The following CADM3 variants were observed in gnomAD, a reference collection of about 807,000 sequenced individuals.
The protein encoded by CADM3 is cell adhesion molecule 3, also known as TSLC1-like 1.
CADM3 carries 11 observed loss-of-function variants against 44.9 expected under a neutral mutation model. That is an observed-to-expected ratio of 0.25 (90% CI 0.15 to 0.41). CADM3 has a LOEUF of 0.41. CADM3 is among the 10% of genes least tolerant of loss of function. The probability of loss-of-function intolerance (pLI) is 1.00; values close to 1 mark genes in which losing one functional copy is unlikely to be tolerated. For missense variants in CADM3, 426 were observed against 512.0 expected (o/e 0.83, Z 1.62); for synonymous variants, 207 against 205.2 (o/e 1.01, Z -0.08).
intron 1 of CADM3, among the ~76,000 whole-genome samples, chr1:159,189,599 A>C (rs576015132): frequency 1.3e-5 from 2 of 152,286 alleles, no homozygotes; most frequent in South Asian, 4.1e-4. Flanking sequence ...CCTTTTTCAG[A>C]ACTCTAGTTA....
At chr1:159,171,909 C>G in intron 1 of CADM3, 56 bp downstream of exon 1, 1 of 1,147,734 alleles carries the variant, frequency 8.7e-7, no homozygotes, top group Non-Finnish European at 1.1e-6. Flanking sequence ...GAGGCGGGGG[C>G]TGGGATCGGG....
intron 1 of CADM3, among the ~76,000 whole-genome samples, chr1:159,179,642 A>G (rs560114155): frequency 1.3e-5 from 2 of 152,218 alleles, no homozygotes; most frequent in African/African-American, 2.4e-5. Flanking sequence ...TTTTACTTTT[A>G]CCCTTCTATG....
rs570304651 is a variant in CADM3, at chr1:159,171,932, G to A, written c.88+79G>A. ...GGCTGGGATCGGGAGTCTCGCGGAA[G>A]GAGCCTGTTGGCTTTGTTTGGAACC... On this transcript the variant is annotated intron_variant, in intron 1 of 8. Transcript: ENST00000368125. 1.6e-4 allele frequency: 151 copies of A among 963,560 alleles called. 1 individual carries two copies. The African/African-American group carries it at 2.3e-3, about 15-fold the overall frequency. 59.7% of individuals were successfully genotyped at this position (963,560 alleles called of 1,614,324 possible).
chr1:159,180,374 T>C (rs1353678691), intron 1 of CADM3, among the ~76,000 whole-genome samples: 1 of 152,090 alleles, frequency 6.6e-6, no homozygotes, highest in Non-Finnish European at 1.5e-5. Flanking sequence ...GGAACAAAAA[T>C]GTGTGTTTGC....
At chr1:159,194,265 T>C (rs574131479) in intron 5 of CADM3, 3 of 474,878 alleles carry the variant, frequency 6.3e-6, no homozygotes, top group African/African-American at 3.9e-5. Flanking sequence ...TGTCAACTAC[T>C]TAATTCTCCG....
chr1:159,178,554 T>C (rs1438373470), intron 1 of CADM3: 3 of 152,212 alleles, frequency 2.0e-5, no homozygotes, highest in Non-Finnish European at 2.9e-5. Context: ...TTAGTACATG[T>C]ATAGGAGAAA....
Position 159,171,845 on chromosome 1 carries a change from C to T in CADM3, c.80C>T (p.Ser27Phe), listed in dbSNP as rs1648819279. 1.4e-5 allele frequency: 18 copies of T among 1,244,042 alleles called. No individual in the cohort carries two copies. Among genetic ancestry groups the T allele is most frequent in the Non-Finnish European group, 1.7e-5 (17 of 992,590 alleles). The allele number at this position is 1,244,042 out of a possible 1,614,324, so 77.1% of individuals were successfully genotyped here. The change falls in exon 1 of 9, where the codon TCC becomes TTC. Residue 27 changes from serine (S) to phenylalanine (F), a missense_variant. Ser to Phe is a radical substitution (Grantham distance 155, BLOSUM62 -2). Coordinates refer to ENST00000368125, the MANE Select transcript of CADM3 (RefSeq NM_001127173.3). ...CCWAPGGANL[S>F]QDDSQPWTSD... ...TGGGCGCCCGGCGGGGCCAACCTCT[C>T]CCAGGACGGTGAGTGAGGGAGGGGG...
intron 6 of CADM3, 188 bp downstream of exon 6, chr1:159,196,642 C>T (rs1162589581): frequency 3.1e-6 from 2 of 635,928 alleles, no homozygotes; most frequent in Non-Finnish European, 2.7e-6. Flanking sequence ...GGGCCACTCC[C>T]TAACTCAGTC....
At chr1:159,172,445 A>C (rs893345060) in intron 1 of CADM3, among the ~76,000 whole-genome samples, 2 of 152,064 alleles carry the variant, frequency 1.3e-5, no homozygotes, top group African/African-American at 4.8e-5. Flanking sequence ...GGGCGTGGGC[A>C]AAGAAGAGGG....
intron 1 of CADM3, among the ~76,000 whole-genome samples, chr1:159,172,296 A>C (rs1433433763): frequency 6.6e-6 from 1 of 151,668 alleles, no homozygotes; most frequent in Non-Finnish European, 1.5e-5. Flanking sequence ...TTGTGTATGT[A>C]TGTCTGTAGG....
chr1:159,200,739 TG>T, intron 8 of CADM3, 64 bp from the exon 9 acceptor site: 1 of 1,199,350 alleles, frequency 8.3e-7, no homozygotes, highest in Non-Finnish European at 1.2e-6. Flanking sequence ...GGTGAGAAAG[TG>T]GGCAGGGTGG....
chr1:159,188,546 G>A (rs552599884), intron 1 of CADM3, among the ~76,000 whole-genome samples: 11 of 152,160 alleles, frequency 7.2e-5, no homozygotes, highest in African/African-American at 2.7e-4. Context: ...TGGGACGACT[G>A]GCGAAGTTCA....
At position 159,200,832 on chromosome 1, in the gene CADM3, C is replaced by T. The variant is rs1333726120; in HGVS notation, c.1107C>T (p.Gly369=). 6.8e-6 allele frequency: 11 copies of T among 1,609,336 alleles called. No individual in the cohort carries two copies. Among genetic ancestry groups the T allele is most frequent in the East Asian group, 2.3e-5 (1 of 44,370 alleles). The change falls in exon 9 of 9, where the codon GGC becomes GGT. Residue 369 remains glycine (G), a synonymous_variant. Coordinates refer to ENST00000368125, the MANE Select transcript of CADM3 (RefSeq NM_001127173.3). ...KGTYLTHEAK[G]SDDAPDADTA... is the part of the protein sequence containing the mutation. The stretch of plus-strand genomic sequence containing the variant: ...CCTACCTGACACATGAGGCAAAAGG[C>T]TCCGACGATGCTCCAGACGCGGACA...
rs376885374 is a variant in CADM3, at chr1:159,200,927, G to T, written c.*5G>T. ...AAGAAGGAATATTTCATCTAGAGGC[G>T]CCTGCCCACTTCCTGCGCCCCCCAG... On this transcript the variant is annotated 3_prime_UTR_variant, in exon 9 of 9. Transcript: ENST00000368125. The T allele has an allele frequency of 1.3e-6, 2 of 1,585,962 alleles. No homozygotes were observed. Among genetic ancestry groups the T allele is most frequent in the Non-Finnish European group, 1.7e-6 (2 of 1,164,994 alleles).
chr1:159,186,213 G>C (rs965349973), intron 1 of CADM3, among the ~76,000 whole-genome samples: 1 of 152,194 alleles, frequency 6.6e-6, no homozygotes, highest in Non-Finnish European at 1.5e-5. Context: ...GGTGAGTGGA[G>C]TAGAGAAAAC....
chr1:159,193,220 T>C (rs1033612980), intron 3 of CADM3, among the ~76,000 whole-genome samples: 3 of 152,220 alleles, frequency 2.0e-5, no homozygotes, highest in African/African-American at 7.2e-5. Flanking sequence ...GCATTGCTCC[T>C]CACTGCCATG....
intron 1 of CADM3, among the ~76,000 whole-genome samples, chr1:159,188,680 T>C (rs1649522993): frequency 6.6e-6 from 1 of 152,168 alleles, no homozygotes; most frequent in Non-Finnish European, 1.5e-5. Context: ...CCTGAAAAGA[T>C]TCGCAAGGCC....
At chr1:159,197,150 A>G in intron 7 of CADM3, 90 bp downstream of exon 7, 1 of 1,378,332 alleles carries the variant, frequency 7.3e-7, no homozygotes, top group East Asian at 2.3e-5. Context: ...AACATCCCCA[A>G]ACTGTGACGG....
intron 7 of CADM3, among the ~76,000 whole-genome samples, chr1:159,199,458 G>A (rs1650058823): frequency 6.6e-6 from 1 of 151,476 alleles, no homozygotes; most frequent in Non-Finnish European, 1.5e-5. Context: ...AGGAAGGAGA[G>A]GCATTAAAGC....
Sources: allele counts gnomAD v4.1 joint callset (sites outside exome capture counted in the v4.1 genomes callset), GRCh38; gene constraint gnomAD v4.1.1; transcripts MANE v1.5; gene names NCBI Gene and HGNC (gene_info 2026-07-23, HGNC 2026-07-21).